The following GAL3ST2 variants were observed in gnomAD, a reference collection of about 807,000 sequenced individuals.
GAL3ST2 encodes beta-galactose-3-O-sulfotransferase 2.
Under a neutral mutation model 12.9 loss-of-function variants are expected in GAL3ST2, and 16 were observed. That is an observed-to-expected ratio of 1.24 (90% CI 0.84 to 1.88). The LOEUF (loss-of-function observed/expected upper bound fraction) is 1.88, where lower values mean the gene tolerates loss of function less well. Among genes scored for constraint, GAL3ST2 ranks in the 40% most tolerant of loss-of-function variants. GAL3ST2 has a pLI of 0.00. For synonymous variants in GAL3ST2, 302 were observed against 273.9 expected (o/e 1.10, Z -1.01); for missense variants, 639 against 571.8 (o/e 1.12, Z -1.20).
chr2:241,801,457 T>A lies in GAL3ST2; in HGVS notation c.120-324T>A. On this transcript the variant is annotated intron_variant, in intron 2 of 3. Coordinates refer to ENST00000192314, the MANE Select transcript of GAL3ST2 (RefSeq NM_022134.3). The surrounding 1 kb of genome is among the most constrained non-coding windows in gnomAD (Gnocchi z 4.4). ...CATCCCATCACTGCTGGGAACTCAG[T>A]TTTAAGGTGGGTCTGGGGTCCCCTT... is the stretch of plus-strand genomic sequence containing the variant. 1 of 395,454 alleles carries A rather than the reference T, an allele frequency of 2.5e-6. No individual in the cohort carries two copies. The highest frequency in any genetic ancestry group is 5.4e-5 in the East Asian group (1 of 18,654). 24.5% of individuals were successfully genotyped at this position (395,454 alleles called of 1,614,324 possible).
intron 1 of GAL3ST2, among the ~76,000 whole-genome samples, chr2:241,790,136 T>C (rs1249404458): frequency 6.6e-6 from 1 of 152,188 alleles, no homozygotes; most frequent in Non-Finnish European, 1.5e-5. Flanking sequence ...TGTCTTGTTT[T>C]GGTCCTCCTT....
chr2:241,802,995 C>G lies in GAL3ST2; in HGVS notation c.376-350C>G, dbSNP rs922299896. 6.6e-6 allele frequency among the ~76,000 whole-genome samples: 1 copy of G among 152,022 alleles called. No homozygotes were observed. The highest frequency in any genetic ancestry group is 2.4e-5 in the African/African-American group (1 of 41,390). ...AGGGCCCTTCGTGCTGTCTGTGCGC[C>G]ACAGCATCCCACTCCTAGAGGCCTC... On this transcript the variant is annotated intron_variant, in intron 3 of 3. Coordinates refer to ENST00000192314, the MANE Select transcript of GAL3ST2 (RefSeq NM_022134.3). This position sits in a 1 kb window ranked among gnomAD's most constrained non-coding sequence, Gnocchi z 4.8.
Position 241,803,986 on chromosome 2 carries a change from G to C in GAL3ST2, c.1017G>C (p.Leu339=). The stretch of plus-strand genomic sequence containing the variant: ...ACACGCAGATCAGAGACCCGCGCCT[G>C]CGCCCCTACCAGTCCGGCAAGGCCG... ...KNHTQIRDPR[L]RPYQSGKADI... Residue 339 remains leucine, a synonymous_variant, in exon 4 of 4, where the codon CTG becomes CTC. Coordinates refer to ENST00000192314, the MANE Select transcript of GAL3ST2 (RefSeq NM_022134.3). 6.4e-7 allele frequency: 1 copy of C among 1,551,424 alleles called. No individual in the cohort carries two copies. The highest frequency in any genetic ancestry group is 8.7e-7 in the Non-Finnish European group (1 of 1,151,926).
Position 241,799,090 on chromosome 2 carries a change from C to T in GAL3ST2, c.55C>T (p.Leu19Phe), listed in dbSNP as rs1269281810. 7 of 1,613,736 alleles carry T rather than the reference C, an allele frequency of 4.3e-6. No individual in the cohort carries two copies. Among genetic ancestry groups the T allele is most frequent in the Admixed American group, 1.7e-5 (1 of 60,032 alleles). The change falls in exon 2 of 4, where the codon CTC (leucine) becomes TTC (phenylalanine). Residue 19 changes from leucine (L) to phenylalanine (F), a missense_variant. Transcript: ENST00000192314. The stretch of plus-strand genomic sequence containing the variant: ...ATACTTCCGGGTCATCCTCCTCCTC[C>T]TCCTGGCCCTGACTCTGCTCCTGCT... Reference protein sequence around the residue: ...QRYFRVILLLLLALTLLLLAG... With the variant: ...QRYFRVILLLFLALTLLLLAG...
Position 241,801,721 on chromosome 2 carries a change from T to G in GAL3ST2, c.120-60T>G, listed in dbSNP as rs1348252827. On this transcript the variant is annotated intron_variant, in intron 2 of 3. Coordinates refer to ENST00000192314, the MANE Select transcript of GAL3ST2 (RefSeq NM_022134.3). The surrounding 1 kb of genome is among the most constrained non-coding windows in gnomAD (Gnocchi z 4.4). Reference sequence around the variant, plus strand: ...GCGGTTGCCGGGCTGGGGGTCGCTGTTGGGCGGGGGTTGGGGCATCTGCAC... The same window carrying G: ...GCGGTTGCCGGGCTGGGGGTCGCTGGTGGGCGGGGGTTGGGGCATCTGCAC... 2.8e-5 allele frequency: 44 copies of G among 1,567,846 alleles called. No individual in the cohort carries two copies. In the African/African-American group the frequency reaches 4.9e-4, roughly 17 times the overall value.
In GAL3ST2 at chr2:241,803,678, C is replaced by G; in HGVS notation, c.709C>G (p.Leu237Val). 6.5e-7 allele frequency: 1 copy of G among 1,547,088 alleles called. No individual in the cohort carries two copies. Among genetic ancestry groups the G allele is most frequent in the Non-Finnish European group, 8.7e-7 (1 of 1,145,118 alleles). Residue 237 changes from leucine to valine, a missense_variant, in exon 4 of 4, where the codon CTG becomes GTG. Transcript: ENST00000192314. The part of the protein sequence containing the change: ...AEHLDESLVL[L>V]RRRLRWALDD... Reference sequence around the variant, plus strand: ...GCACCTGGACGAGTCCCTGGTGCTGCTGCGGCGCCGGCTGCGCTGGGCGCT... The same window carrying G: ...GCACCTGGACGAGTCCCTGGTGCTGGTGCGGCGCCGGCTGCGCTGGGCGCT...
At chr2:241,777,886 C>T (rs1033868432) in intron 1 of GAL3ST2, among the ~76,000 whole-genome samples, 1 of 152,162 alleles carries the variant, frequency 6.6e-6, no homozygotes, top group Non-Finnish European at 1.5e-5. Flanking sequence ...CCTGGGGCCC[C>T]CCGAGGTCGG....
intron 1 of GAL3ST2, among the ~76,000 whole-genome samples, chr2:241,792,724 C>T (rs545759575): frequency 6.6e-6 from 1 of 152,082 alleles, no homozygotes; most frequent in Non-Finnish European, 1.5e-5. Flanking sequence ...AGAGCTTTCT[C>T]CAAGATTTTA....
chr2:241,802,155 G>T lies in GAL3ST2; in HGVS notation c.375+119G>T. Reference sequence around the variant, plus strand: ...GTAAGGCTTGGGGGCGGGGCGTGCAGAAGGCGGGTTGGGAGGGCCTGGGCC... The same window carrying T: ...GTAAGGCTTGGGGGCGGGGCGTGCATAAGGCGGGTTGGGAGGGCCTGGGCC... On this transcript the variant is annotated intron_variant, in intron 3 of 3. Coordinates refer to ENST00000192314, the MANE Select transcript of GAL3ST2 (RefSeq NM_022134.3). The surrounding 1 kb of genome is among the most constrained non-coding windows in gnomAD (Gnocchi z 4.8). The T allele has an allele frequency of 2.5e-6, 3 of 1,209,878 alleles. No individual in the cohort carries two copies. The highest frequency in any genetic ancestry group is 2.3e-6 in the Non-Finnish European group (2 of 885,244). The allele number at this position is 1,209,878 out of a possible 1,614,324, so 74.9% of individuals were successfully genotyped here. A position where few individuals can be genotyped will look rare whatever the true frequency, so the allele number is the denominator to read the frequency against.
intron 1 of GAL3ST2, among the ~76,000 whole-genome samples, chr2:241,780,753 G>A (rs1197787396): frequency 1.3e-5 from 2 of 152,192 alleles, no homozygotes; most frequent in Admixed American, 6.5e-5. Flanking sequence ...GCCCAGCCAC[G>A]AATTTGTGCC....
rs747845249 is a variant in GAL3ST2, at chr2:241,803,897, C to A, written c.928C>A (p.Leu310Met). 2 of 1,416,042 alleles carry A rather than the reference C, an allele frequency of 1.4e-6. No individual in the cohort carries two copies. The highest frequency in any genetic ancestry group is 3.2e-5 in the South Asian group (2 of 62,764). 87.7% of individuals were successfully genotyped at this position (1,416,042 alleles called of 1,614,324 possible). A position where few individuals can be genotyped will look rare whatever the true frequency, so the allele number is the denominator to read the frequency against. The part of the protein sequence containing the change: ...PRRLRGEVER[L>M]RARRRELASL... ...GCGGCTGCGCGGGGAGGTGGAGCGG[C>A]TGCGCGCCCGGAGGCGCGAACTCGC... The change falls in exon 4 of 4, where the codon CTG becomes ATG. Residue 310 changes from leucine to methionine, a missense_variant. Physicochemically the swap from Leu to Met is conservative, Grantham distance 15. Transcript: ENST00000192314.
Position 241,801,859 on chromosome 2 carries a change from G to T in GAL3ST2, c.198G>T (p.Thr66=), listed in dbSNP as rs762314079. The change falls in exon 3 of 4, where the codon ACG becomes ACT. Residue 66 remains threonine, a synonymous_variant. Transcript: ENST00000192314. This position sits in a 1 kb window ranked among gnomAD's most constrained non-coding sequence, Gnocchi z 4.4. ...AGACGCACAAGACGGCCAGCAGCAC[G>T]GTGCTCAACATCCTCTACCGCTTCG... ...FLKTHKTASS[T]VLNILYRFAE... is the part of the protein sequence containing the mutation. 4 of 1,612,856 alleles carry T rather than the reference G, an allele frequency of 2.5e-6. No homozygotes were observed.
At chr2:241,778,371 C>T (rs762693611) in intron 1 of GAL3ST2, among the ~76,000 whole-genome samples, 2 of 152,172 alleles carry the variant, frequency 1.3e-5, no homozygotes, top group African/African-American at 2.4e-5. Flanking sequence ...GCTAGTGAGG[C>T]CTAGTCTTGA....
rs757419376 is a variant in GAL3ST2, at chr2:241,795,796, C to T, written c.30-3269C>T. Among the ~76,000 whole-genome samples the T allele has an allele frequency of 1.1e-4, 16 of 152,260 alleles. No individual in the cohort carries two copies. The highest frequency in any genetic ancestry group is 2.2e-4 in the Non-Finnish European group (15 of 68,048). ...AGCGGGACCCTGATCCCGCGTGGGG[C>T]GCATGGCCCTCTCTGCTCTGCGGCC... On this transcript the variant is annotated intron_variant, in intron 1 of 3. Transcript: ENST00000192314. The surrounding 1 kb of genome is among the most constrained non-coding windows in gnomAD (Gnocchi z 4.5).
intron 3 of GAL3ST2, among the ~76,000 whole-genome samples, chr2:241,803,082 C>A (rs1340028733): frequency 1.3e-5 from 2 of 152,194 alleles, no homozygotes; most frequent in Non-Finnish European, 2.9e-5. Context: ...CCCACGGACT[C>A]CTCCTCCTGA....
In GAL3ST2 at chr2:241,803,531, T is replaced by A; in HGVS notation, c.562T>A (p.Tyr188Asn). ...CGACAGCCGCCACCTCAGGAACGTC[T>A]ACGCCAAGAACAACATGTGGTTCGA... ...YNDSRHLRNV[Y>N]AKNNMWFDFG... Residue 188 changes from tyrosine (Y) to asparagine (N), a missense_variant, in exon 4 of 4, where the codon TAC (tyrosine) becomes AAC (asparagine). Physicochemically the swap from Tyr to Asn is moderately radical, Grantham distance 143. Transcript: ENST00000192314. The A allele has an allele frequency of 1.2e-6, 2 of 1,610,442 alleles. No homozygotes were observed. The highest frequency in any genetic ancestry group is 1.7e-6 in the Non-Finnish European group (2 of 1,178,688).
chr2:241,792,038 A>T (rs1174032625), intron 1 of GAL3ST2, among the ~76,000 whole-genome samples: 1 of 102,314 alleles, frequency 9.8e-6, no homozygotes, highest in Non-Finnish European at 1.9e-5. Flanking sequence ...TCTGAGATGG[A>T]GTTTTGCTCT....
chr2:241,778,138 C>T (rs1699517702), intron 1 of GAL3ST2, among the ~76,000 whole-genome samples: 1 of 152,238 alleles, frequency 6.6e-6, no homozygotes, highest in Non-Finnish European at 1.5e-5. Flanking sequence ...AGCCCCGAGT[C>T]ACTTCCCCAC....
At chr2:241,803,014 A>G (rs1699873589) in intron 3 of GAL3ST2, among the ~76,000 whole-genome samples, 1 of 151,982 alleles carries the variant, frequency 6.6e-6, no homozygotes, top group Non-Finnish European at 1.5e-5. Flanking sequence ...CCACTCCTAG[A>G]GGCCTCTGGG....
Sources: gnomAD v4.1 joint callset for allele counts (sites outside exome capture counted in the v4.1 genomes callset) on GRCh38, gnomAD v4.1.1 for gene constraint, Gnocchi (gnomAD v3.1) non-coding constraint, MANE v1.5 for transcripts, NCBI Gene and HGNC (gene_info 2026-07-23, HGNC 2026-07-21) for gene names.